BMP2K: variants seen among roughly 807,000 people sequenced by gnomAD.
The protein encoded by BMP2K is BMP2 inducible kinase.
BMP2K carries 74 observed loss-of-function variants against 116.0 expected under a neutral mutation model. The observed-to-expected ratio is 0.64, with a 90% CI of 0.53 to 0.77. The LOEUF (loss-of-function observed/expected upper bound fraction) is 0.77, where lower values mean the gene tolerates loss of function less well. Ranked by LOEUF, BMP2K falls within the 30% of genes least tolerant of loss-of-function variation. The pLI, the probability that BMP2K is intolerant of heterozygous loss-of-function variation, is 0.00. For missense variants in BMP2K, 1,365 were observed against 1,403.6 expected, an observed-to-expected ratio of 0.97 and a Z score of 0.44; for synonymous variants, 486 against 502.5, an observed-to-expected ratio of 0.97 and a Z score of 0.44.
chr4:78,793,175 G>A (rs954616581), intron 1 of BMP2K, among the ~76,000 whole-genome samples: 1 of 152,086 alleles, frequency 6.6e-6, no homozygotes, highest in Non-Finnish European at 1.5e-5. Context: ...ACTTTGGGAG[G>A]TCGAGGCGGG....
At chr4:78,867,495 C>T (rs1342293908) in intron 10 of BMP2K, among the ~76,000 whole-genome samples, 1 of 152,152 alleles carries the variant, frequency 6.6e-6, no homozygotes, top group Non-Finnish European at 1.5e-5. Flanking sequence ...TACATGCTTT[C>T]AGCTTAAGTT....
chr4:78,779,581 C>A (rs908528213), intron 1 of BMP2K, among the ~76,000 whole-genome samples: 1 of 152,176 alleles, frequency 6.6e-6, no homozygotes, highest in African/African-American at 2.4e-5. Flanking sequence ...TCTGCAATGA[C>A]AGTGGAAGTG....
intron 3 of BMP2K, among the ~76,000 whole-genome samples, chr4:78,841,293 T>C (rs1730747003): frequency 6.6e-6 from 1 of 152,208 alleles, no homozygotes; most frequent in Non-Finnish European, 1.5e-5. Flanking sequence ...GAATGCTTTA[T>C]GTTTTTTTGA....
At chr4:78,897,223 T>TTAAGG (rs1454469501) in intron 15 of BMP2K, among the ~76,000 whole-genome samples, 1 of 151,998 alleles carries the variant, frequency 6.6e-6, no homozygotes, top group Non-Finnish European at 1.5e-5. Flanking sequence ...TTCTGGGAAC[T>TTAAGG]TACCTTAAGA....
intron 5 of BMP2K, among the ~76,000 whole-genome samples, chr4:78,845,251 T>G (rs1050956307): frequency 6.6e-6 from 1 of 151,650 alleles, no homozygotes; most frequent in Admixed American, 6.6e-5. Context: ...TTTTTTAGTC[T>G]ACATTGTAAA....
chr4:78,911,193 A>G lies in BMP2K; in HGVS notation c.2646A>G (p.Gln882=). 1 of 1,613,820 alleles carries G rather than the reference A, an allele frequency of 6.2e-7. No individual in the cohort carries two copies. Among genetic ancestry groups the G allele is most frequent in the Non-Finnish European group, 8.5e-7 (1 of 1,179,814 alleles). ...QQEKNEKNLP[Q]HRFPAAGLEQ... is the part of the protein sequence containing the mutation. ...AAAAGAATGAAAAGAACCTCCCTCA[A>G]CACAGGTTTCCTGCTGCAGGACTGG... is the stretch of plus-strand genomic sequence containing the variant. Residue 882 remains glutamine (Q), a synonymous_variant, in exon 16 of 16, where the codon CAA becomes CAG. Coordinates refer to ENST00000502613, the MANE Select transcript of BMP2K (RefSeq NM_198892.2).
At chr4:78,813,529 C>T (rs907675047) in intron 1 of BMP2K, among the ~76,000 whole-genome samples, 1 of 152,154 alleles carries the variant, frequency 6.6e-6, no homozygotes, top group Non-Finnish European at 1.5e-5. Flanking sequence ...ATTTTACTCC[C>T]CATTATTTAT....
chr4:78,890,346 A>AT (rs1395727489), intron 15 of BMP2K, among the ~76,000 whole-genome samples: 16 of 151,114 alleles, frequency 1.1e-4, no homozygotes, highest in East Asian at 1.9e-4. Flanking sequence ...GGAAAATGAG[A>AT]TTTTTTTTTG....
In BMP2K at chr4:78,913,320, C is replaced by T. The variant is rs1734768759; in HGVS notation, c.*1287C>T. ...TGATTGTGTCTTTACTGAAAAGAAC[C>T]CAGCTACCAATTTGCCTTTTTTTAC... On this transcript the variant is annotated 3_prime_UTR_variant, in exon 16 of 16. Transcript: ENST00000502613. The T allele has an allele frequency of 6.6e-6, 1 of 152,010 alleles. No homozygotes were observed. Among genetic ancestry groups the T allele is most frequent in the South Asian group, 2.1e-4 (1 of 4,826 alleles). The allele number at this position is 152,010 out of a possible 1,614,324, so 9.4% of individuals were successfully genotyped here. A position where few individuals can be genotyped will look rare whatever the true frequency, so the allele number is the denominator to read the frequency against.
rs1378300145 is a variant in BMP2K at position 78,858,168 on chromosome 4, C to T, written c.884-1416C>T. Among the ~76,000 whole-genome samples, 5 of 151,882 alleles carry T rather than the reference C, an allele frequency of 3.3e-5. No homozygotes were observed. In the South Asian group the frequency reaches 8.3e-4, roughly 25 times the overall value. ...ATACGTTTGTGAATTAGGTAGGTTTCGTGTGATTTGTTTGGTTTTTAAAAT... is the reference window on the plus strand; with the variant it reads ...ATACGTTTGTGAATTAGGTAGGTTTTGTGTGATTTGTTTGGTTTTTAAAAT... On this transcript the variant is annotated intron_variant, in intron 7 of 15. Transcript: ENST00000502613.
At position 78,776,413 on chromosome 4, in the gene BMP2K, G is replaced by T; in HGVS notation, c.-131G>T. The T allele has an allele frequency of 1.1e-6, 1 of 941,470 alleles. No homozygotes were observed. The highest frequency in any genetic ancestry group is 1.3e-6 in the Non-Finnish European group (1 of 765,928). The allele number at this position is 941,470 out of a possible 1,614,324, so 58.3% of individuals were successfully genotyped here. A position where few individuals can be genotyped will look rare whatever the true frequency, so the allele number is the denominator to read the frequency against. On this transcript the variant is annotated 5_prime_UTR_variant, in exon 1 of 16. The change abolishes an upstream ATG in the 5' untranslated region. Transcript: ENST00000502613. ...GCTGTGCGCTTGGGGAGCGCGGAATGTGAGGCTTGGCGGGCCGCAGCACGC... is the reference window on the plus strand; with the variant it reads ...GCTGTGCGCTTGGGGAGCGCGGAATTTGAGGCTTGGCGGGCCGCAGCACGC...
chr4:78,913,898 AC>A lies in BMP2K; in HGVS notation c.*1867del, dbSNP rs1358143042. Reference sequence around the variant, plus strand: ...TCGTGCCAAAGGCAAATATGTTTGCACCTTTTTTTTTTTTTCTGATTCTCAG... The same window carrying A: ...TCGTGCCAAAGGCAAATATGTTTGCACTTTTTTTTTTTTTCTGATTCTCAG... On this transcript the variant is annotated 3_prime_UTR_variant, in exon 16 of 16. Transcript: ENST00000502613. 1 of 147,578 alleles carries A rather than the reference AC, an allele frequency of 6.8e-6. No homozygotes were observed. The highest frequency in any genetic ancestry group is 1.5e-5 in the Non-Finnish European group (1 of 66,872). The allele number at this position is 147,578 out of a possible 1,614,324, so 9.1% of individuals were successfully genotyped here.
chr4:78,793,126 T>C lies in BMP2K; in HGVS notation c.178+16405T>C, dbSNP rs553045063. ...ATGGCTATTTTTTATTAAATTGTTA[T>C]GTAGGCCGGGTGCGGTGGCTCAAGC... is the stretch of plus-strand genomic sequence containing the variant. On this transcript the variant is annotated intron_variant, in intron 1 of 15. Coordinates refer to ENST00000502613, the MANE Select transcript of BMP2K (RefSeq NM_198892.2). 3.3e-5 allele frequency among the ~76,000 whole-genome samples: 5 copies of C among 152,294 alleles called. No homozygotes were observed. The East Asian group carries it at 5.8e-4, about 18-fold the overall frequency.
intron 1 of BMP2K, among the ~76,000 whole-genome samples, chr4:78,815,059 G>A (rs1402268734): frequency 6.6e-6 from 1 of 152,130 alleles, no homozygotes; most frequent in African/African-American, 2.4e-5. Context: ...TCAGGGTAAT[G>A]ATGAGAAAGG....
intron 1 of BMP2K, among the ~76,000 whole-genome samples, 179 bp from the exon 2 acceptor site, chr4:78,825,858 T>A (rs1024637408): frequency 1.3e-5 from 2 of 152,258 alleles, no homozygotes; most frequent in Admixed American, 6.5e-5. Flanking sequence ...AAGTACTACT[T>A]CATGATTGAC....
At chr4:78,824,433 A>G (rs1729774960) in intron 1 of BMP2K, among the ~76,000 whole-genome samples, 1 of 152,200 alleles carries the variant, frequency 6.6e-6, no homozygotes, top group Admixed American at 6.5e-5. Flanking sequence ...GGTGGCAGGC[A>G]AGAGAGCTTA....
intron 3 of BMP2K, among the ~76,000 whole-genome samples, chr4:78,836,743 T>G (rs1730498409): frequency 6.6e-6 from 1 of 152,226 alleles, no homozygotes. Flanking sequence ...CCACATTGAT[T>G]GTTACTTTGG....
At chr4:78,835,490 G>A (rs1022931008) in intron 3 of BMP2K, among the ~76,000 whole-genome samples, 3 of 151,856 alleles carry the variant, frequency 2.0e-5, no homozygotes, top group East Asian at 1.9e-4. Context: ...TTAGCCGAGC[G>A]TTGTGGCAGG....
rs1330788095 is a variant in BMP2K, at chr4:78,915,402, T to TAGTTTTG, written c.*3372_*3378dup. The TAGTTTTG allele has an allele frequency of 6.6e-6, 1 of 152,020 alleles. No homozygotes were observed. The highest frequency in any genetic ancestry group is 1.5e-5 in the Non-Finnish European group (1 of 67,926). 9.4% of individuals were successfully genotyped at this position (152,020 alleles called of 1,614,324 possible). ...GAAGGTACAAGTGTATTAATATCAC[T>TAGTTTTG]AGTTTTGAGGCGCTTGGGTACATTT... On this transcript the variant is annotated 3_prime_UTR_variant, in exon 16 of 16. Coordinates refer to ENST00000502613, the MANE Select transcript of BMP2K (RefSeq NM_198892.2).
Sources: gnomAD v4.1 joint callset for allele counts (sites outside exome capture counted in the v4.1 genomes callset) on GRCh38, gnomAD v4.1.1 for gene constraint, MANE v1.5 for transcripts, NCBI Gene and HGNC (gene_info 2026-07-23, HGNC 2026-07-21) for gene names.